The following ALK variants were observed in gnomAD, a reference collection of about 807,000 sequenced individuals.
ALK encodes the protein ALK receptor tyrosine kinase.
A neutral mutation model predicts 163.1 loss-of-function variants in ALK; 74 were observed. The observed-to-expected ratio is 0.45, with a 90% CI of 0.38 to 0.55. ALK has a LOEUF of 0.55. Ranked by LOEUF, ALK falls within the 20% of genes least tolerant of loss-of-function variation. The pLI, the probability that ALK is intolerant of heterozygous loss-of-function variation, is 0.00. For missense variants in ALK, 2,063 were observed against 2,105.3 expected (o/e 0.98, Z 0.39); for synonymous variants, 960 against 843.2 (o/e 1.14, Z -2.40).
intron 8 of ALK, among the ~76,000 whole-genome samples, chr2:29,298,344 C>T (rs894522526): frequency 6.6e-6 from 1 of 152,018 alleles, no homozygotes; most frequent in Non-Finnish European, 1.5e-5. Context: ...TTTTTCTGGC[C>T]TCACTTAGCT....
chr2:29,259,623 C>T lies in ALK; in HGVS notation c.2042-8356G>A, dbSNP rs1303073029. Among the ~76,000 whole-genome samples the T allele has an allele frequency of 2.0e-5, 3 of 151,944 alleles. No homozygotes were observed. The East Asian group carries it at 5.8e-4, about 30-fold the overall frequency. On this transcript the variant is annotated intron_variant, in intron 11 of 28. Coordinates refer to ENST00000389048, the MANE Select transcript of ALK (RefSeq NM_004304.5). The stretch of plus-strand genomic sequence containing the variant: ...GTCAAAAACTGATAATTTTAAATTT[C>T]CTTCTCTAATAAGTCACTTGCTATT...
At chr2:29,626,324 GT>G (rs1443750314) in intron 3 of ALK, among the ~76,000 whole-genome samples, 9 of 152,140 alleles carry the variant, frequency 5.9e-5, no homozygotes, top group African/African-American at 2.2e-4. Flanking sequence ...CATAAGGGTG[GT>G]TTCCCCCATA....
intron 1 of ALK, among the ~76,000 whole-genome samples, chr2:29,755,814 G>A (rs1434782961): frequency 6.6e-6 from 1 of 152,004 alleles, no homozygotes; most frequent in African/African-American, 2.4e-5. Context: ...AACAGGGAGT[G>A]GCAAAAAAGA....
At chr2:29,680,200 T>A (rs2148278067) in intron 3 of ALK, among the ~76,000 whole-genome samples, 1 of 152,164 alleles carries the variant, frequency 6.6e-6, no homozygotes, top group South Asian at 2.1e-4. Context: ...CTGAGGCACT[T>A]GGATGTGCAA....
At chr2:29,220,303 A>G (rs1422669733) in intron 23 of ALK, among the ~76,000 whole-genome samples, 1 of 152,108 alleles carries the variant, frequency 6.6e-6, no homozygotes, top group Non-Finnish European at 1.5e-5. Context: ...CCTGCCATGT[A>G]AGACGTGCCT....
intron 3 of ALK, among the ~76,000 whole-genome samples, chr2:29,579,438 T>G (rs1488746870): frequency 6.6e-6 from 1 of 152,210 alleles, no homozygotes; most frequent in African/African-American, 2.4e-5. Context: ...AATTTGAACT[T>G]CAACAAAATG....
intron 9 of ALK, among the ~76,000 whole-genome samples, chr2:29,294,034 G>T (rs1271868833): frequency 2.6e-5 from 4 of 152,220 alleles, no homozygotes; most frequent in Non-Finnish European, 5.9e-5. Flanking sequence ...CAAAGTAGGT[G>T]CTGAATAGCT....
At chr2:29,361,216 A>G (rs1231143040) in intron 5 of ALK, among the ~76,000 whole-genome samples, 2 of 152,246 alleles carry the variant, frequency 1.3e-5, no homozygotes, top group Non-Finnish European at 2.9e-5. Flanking sequence ...GCATAAACCA[A>G]TTGTTAAAGA....
chr2:29,635,079 G>A (rs554717718), intron 3 of ALK, among the ~76,000 whole-genome samples: 1 of 152,128 alleles, frequency 6.6e-6, no homozygotes, highest in East Asian at 1.9e-4. Context: ...TAACAAAACC[G>A]GTACAGAATT....
Position 29,660,397 on chromosome 2 carries a change from G to A in ALK, c.952+34453C>T, listed in dbSNP as rs143860873. ...GTTGCCAAGACAGGTGGGCAAATAT[G>A]CTGAGGTTCAGCTGCTCCCTCTCAA... On this transcript the variant is annotated intron_variant, in intron 3 of 28. Coordinates refer to ENST00000389048, the MANE Select transcript of ALK (RefSeq NM_004304.5). 1.2e-3 allele frequency among the ~76,000 whole-genome samples: 190 copies of A among 152,272 alleles called. 1 individual carries two copies. Among genetic ancestry groups the A allele is most frequent in the African/African-American group, 3.5e-3 (146 of 41,564 alleles).
intron 4 of ALK, among the ~76,000 whole-genome samples, chr2:29,449,450 A>G (rs1046914350): frequency 2.0e-5 from 3 of 152,120 alleles, no homozygotes; most frequent in African/African-American, 4.8e-5. Context: ...TGCTTGGCAA[A>G]TTCATCACTA....
intron 4 of ALK, among the ~76,000 whole-genome samples, chr2:29,386,129 T>C (rs947656569): frequency 6.6e-6 from 1 of 152,258 alleles, no homozygotes; most frequent in African/African-American, 2.4e-5. Flanking sequence ...TTTATGTCTC[T>C]GGTCTCTGGC....
At chr2:29,704,082 C>G (rs1678826610) in intron 2 of ALK, among the ~76,000 whole-genome samples, 2 of 152,094 alleles carry the variant, frequency 1.3e-5, no homozygotes, top group Non-Finnish European at 2.9e-5. Flanking sequence ...GTATTCCTGA[C>G]AAGCCTGGTT....
At chr2:29,247,713 G>T (rs148598613) in intron 12 of ALK, among the ~76,000 whole-genome samples, 189 of 152,250 alleles carry the variant, frequency 1.2e-3, no homozygotes, top group East Asian at 9.7e-3. Context: ...GCATGAAGTT[G>T]GGGCTTGGTA....
At chr2:29,786,730 T>C (rs767076782) in intron 1 of ALK, among the ~76,000 whole-genome samples, 2 of 152,236 alleles carry the variant, frequency 1.3e-5, no homozygotes, top group African/African-American at 2.4e-5. Flanking sequence ...ACTCTGCTTA[T>C]TGAGTTTACA....
intron 23 of ALK, among the ~76,000 whole-genome samples, chr2:29,217,569 A>C (rs1204855887): frequency 6.6e-6 from 1 of 152,258 alleles, no homozygotes; most frequent in South Asian, 2.1e-4. Context: ...GCGTCTGCAC[A>C]TCCGTTCTGT....
chr2:29,745,948 G>C (rs1354789077), intron 1 of ALK, among the ~76,000 whole-genome samples: 1 of 152,166 alleles, frequency 6.6e-6, no homozygotes, highest in Admixed American at 6.5e-5. Context: ...ACACTCTCAA[G>C]CCCCACTATG....
chr2:29,530,511 C>T (rs905436224), intron 4 of ALK, among the ~76,000 whole-genome samples: 3 of 152,240 alleles, frequency 2.0e-5, no homozygotes, highest in Admixed American at 2.0e-4. Context: ...TCAAGCAGCA[C>T]TCCCTGGTCT....
intron 26 of ALK, among the ~76,000 whole-genome samples, chr2:29,205,146 C>T (rs1669279852): frequency 6.6e-6 from 1 of 152,150 alleles, no homozygotes; most frequent in Non-Finnish European, 1.5e-5. Flanking sequence ...TTTATGGTTG[C>T]AATAGTTTTT....
Sources: gnomAD v4.1 joint callset for allele counts (sites outside exome capture counted in the v4.1 genomes callset) on GRCh38, gnomAD v4.1.1 for gene constraint, MANE v1.5 for transcripts, NCBI Gene and HGNC (gene_info 2026-07-23, HGNC 2026-07-21) for gene names.